Variants in ATXN7L1 observed in about 807,000 individuals in gnomAD.
The protein encoded by ATXN7L1 is ataxin-7-like protein 1.
Under a neutral mutation model 70.8 loss-of-function variants are expected in ATXN7L1, and 15 were observed. That is an observed-to-expected ratio of 0.21 (90% confidence interval 0.14 to 0.33). The LOEUF is 0.33. Ranked by LOEUF, ATXN7L1 falls within the 10% of genes least tolerant of loss-of-function variation. The pLI, the probability that ATXN7L1 is intolerant of heterozygous loss-of-function variation, is 1.00. For missense variants in ATXN7L1, 975 were observed against 1,097.1 expected (o/e 0.89, Z 1.57); for synonymous variants, 440 against 445.1 (o/e 0.99, Z 0.14).
intron 3 of ATXN7L1, among the ~76,000 whole-genome samples, chr7:105,697,061 T>C (rs898571889): frequency 1.3e-5 from 2 of 152,102 alleles, no homozygotes; most frequent in Admixed American, 6.5e-5. Context: ...GGTAATAGAA[T>C]ATCACAAGAC....
At chr7:105,756,422 C>T (rs1253132462) in intron 3 of ATXN7L1, among the ~76,000 whole-genome samples, 7 of 152,220 alleles carry the variant, frequency 4.6e-5, no homozygotes, top group South Asian at 2.1e-4. Context: ...CAATTGGAAG[C>T]GACCAGGGAA....
rs539313562 is a variant in ATXN7L1, at chr7:105,850,652, T to C, written c.250+25160A>G. Among the ~76,000 whole-genome samples, 5 of 152,308 alleles carry C rather than the reference T, an allele frequency of 3.3e-5. No individual in the cohort carries two copies. In the East Asian group the frequency reaches 7.7e-4, roughly 24 times the overall value. ...CTGAAGAACGAGCACAGAGCGAGCA[T>C]GGGCTTCTGCTGCAAGACACTGTGG... On this transcript the variant is annotated intron_variant, in intron 2 of 11. Coordinates refer to ENST00000419735, the MANE Select transcript of ATXN7L1 (RefSeq NM_020725.2).
chr7:105,658,523 C>CT (rs36163594), intron 4 of ATXN7L1, among the ~76,000 whole-genome samples: 45,314 of 107,432 alleles, frequency 0.42, 9,776 homozygotes, highest in Non-Finnish European at 0.48. Flanking sequence ...TGGCACATAA[C>CT]TTTTTTTTTT....
intron 3 of ATXN7L1, among the ~76,000 whole-genome samples, chr7:105,739,957 A>G (rs995845319): frequency 2.0e-5 from 3 of 152,224 alleles, no homozygotes; most frequent in African/African-American, 7.2e-5. Context: ...CAGTTCAAAC[A>G]TTTTTGACTG....
At chr7:105,790,674 ACTATCTATCTATCTAT>A (rs3036755) in intron 2 of ATXN7L1, among the ~76,000 whole-genome samples, 7 of 113,234 alleles carry the variant, frequency 6.2e-5, no homozygotes, top group Admixed American at 1.8e-4. Flanking sequence ...CTATCTATCT[ACTATCTATCTATCTAT>A]CTATCTATCT....
intron 2 of ATXN7L1, among the ~76,000 whole-genome samples, chr7:105,814,595 T>C (rs1416863978): frequency 1.3e-5 from 2 of 152,202 alleles, no homozygotes; most frequent in Non-Finnish European, 2.9e-5. Context: ...TTAGTTTTTT[T>C]CTTCTACTTC....
Position 105,862,324 on chromosome 7 carries a change from A to G in ATXN7L1, c.250+13488T>C, listed in dbSNP as rs189995278. Among the ~76,000 whole-genome samples, 19 of 152,226 alleles carry G rather than the reference A, an allele frequency of 1.2e-4. No individual in the cohort carries two copies. The East Asian group carries it at 3.3e-3, about 26-fold the overall frequency. Reference sequence around the variant, plus strand: ...GGGGGCGTGCACCTGTGGCCCAGCTACTTGGGAGGGAGGCTGAGGTGGGAG... The same window carrying G: ...GGGGGCGTGCACCTGTGGCCCAGCTGCTTGGGAGGGAGGCTGAGGTGGGAG... On this transcript the variant is annotated intron_variant, in intron 2 of 11. Transcript: ENST00000419735.
intron 3 of ATXN7L1, among the ~76,000 whole-genome samples, chr7:105,771,080 A>G (rs1180042947): frequency 6.6e-6 from 1 of 151,942 alleles, no homozygotes; most frequent in Non-Finnish European, 1.5e-5. Context: ...GGCACCTGTA[A>G]TCCTAGCTAT....
rs1013581166 is a variant in ATXN7L1 at position 105,716,692 on chromosome 7, C to T, written c.356-51404G>A. Among the ~76,000 whole-genome samples the T allele has an allele frequency of 1.2e-4, 10 of 83,382 alleles. No individual in the cohort carries two copies. In the South Asian group the frequency reaches 1.3e-3, roughly 11 times the overall value. The allele number at this position is 83,382 out of a possible 152,430, so 54.7% of individuals were successfully genotyped here. On this transcript the variant is annotated intron_variant, in intron 3 of 11. Transcript: ENST00000419735. The stretch of plus-strand genomic sequence containing the variant: ...ACACACACACACACACACACACACA[C>T]ACACACACACACACACACACACACA...
rs774061050 is a variant in ATXN7L1 at position 105,638,570 on chromosome 7, T to G, written c.985A>C (p.Lys329Gln). ...GCCAGGAGGAGGTCAAATTGCTTTT[T>G]CCGGCCTGGGACTGCCCTCCGATGG... ...LSHRRAVPGR[K>Q]KQFDLLLAEH... is the part of the protein sequence containing the mutation. The change falls in exon 7 of 12, where the codon AAA (lysine) becomes CAA (glutamine). Residue 329 changes from lysine to glutamine, a missense_variant. Physicochemically the swap from Lys to Gln is moderately conservative, Grantham distance 53 (BLOSUM62 1). Around this residue, in one of 5 missense-constraint regions of ATXN7L1, gnomAD observed 635 missense variants for 699.4 expected, o/e 0.91. Transcript: ENST00000419735. 2.6e-6 allele frequency: 4 copies of G among 1,551,868 alleles called. No individual in the cohort carries two copies. In the African/African-American group the frequency reaches 5.5e-5, roughly 21 times the overall value.
intron 2 of ATXN7L1, among the ~76,000 whole-genome samples, chr7:105,796,531 G>C (rs998893113): frequency 6.6e-6 from 1 of 152,128 alleles, no homozygotes; most frequent in Non-Finnish European, 1.5e-5. Context: ...GTGGCTGACA[G>C]TGGTTTTGAT....
intron 6 of ATXN7L1, among the ~76,000 whole-genome samples, chr7:105,639,141 G>GCGCTGC (rs766269641): frequency 0.023 from 3,433 of 152,266 alleles, 55 homozygotes; most frequent in Non-Finnish European, 0.033. Context: ...GCCTTTCAGG[G>GCGCTGC]CGCTGCCGCC....
chr7:105,653,039 G>C (rs1050158367), intron 4 of ATXN7L1, among the ~76,000 whole-genome samples: 1 of 151,898 alleles, frequency 6.6e-6, no homozygotes, highest in African/African-American at 2.4e-5. Context: ...AACCCTCAAG[G>C]GTTTATTCTG....
At chr7:105,857,728 T>C (rs1163784960) in intron 2 of ATXN7L1, among the ~76,000 whole-genome samples, 1 of 152,250 alleles carries the variant, frequency 6.6e-6, no homozygotes, top group Non-Finnish European at 1.5e-5. Flanking sequence ...TTTAAACTCA[T>C]GCTCTACCAA....
At chr7:105,845,039 T>C (rs1361564817) in intron 2 of ATXN7L1, among the ~76,000 whole-genome samples, 1 of 151,776 alleles carries the variant, frequency 6.6e-6, no homozygotes, top group African/African-American at 2.4e-5. Context: ...ACCCTGTCTC[T>C]ACCAAAAATA....
intron 3 of ATXN7L1, among the ~76,000 whole-genome samples, chr7:105,759,469 TGTGTGTGTGTGTGTG>T (rs1563070742): frequency 0.059 from 7,227 of 121,974 alleles, 615 homozygotes; most frequent in African/African-American, 0.2. Flanking sequence ...TGTGTGTGTG[TGTGTGTGTGTGTGTG>T]TGTGTGTATG....
chr7:105,770,501 A>C (rs1417235317), intron 3 of ATXN7L1, among the ~76,000 whole-genome samples: 1 of 152,210 alleles, frequency 6.6e-6, no homozygotes, highest in Non-Finnish European at 1.5e-5. Context: ...ACTTTTCCTC[A>C]GGGCATTGAC....
chr7:105,727,854 CAT>C (rs762469110), intron 3 of ATXN7L1, among the ~76,000 whole-genome samples: 9 of 130,550 alleles, frequency 6.9e-5, no homozygotes, highest in Non-Finnish European at 9.8e-5. Flanking sequence ...AAATGTTTTC[CAT>C]ATATATATAT....
At chr7:105,790,674 A>ATCTATCTATCTAT (rs1554464837) in intron 2 of ATXN7L1, among the ~76,000 whole-genome samples, 48 of 113,298 alleles carry the variant, frequency 4.2e-4, no homozygotes, top group African/African-American at 7.5e-4. Context: ...CTATCTATCT[A>ATCTATCTATCTAT]CTATCTATCT....
Sources: gnomAD v4.1 joint callset for allele counts (sites outside exome capture counted in the v4.1 genomes callset) on GRCh38, gnomAD v4.1.1 for gene constraint, gnomAD v4.1.1 regional missense constraint, MANE v1.5 for transcripts, NCBI Gene and HGNC (gene_info 2026-07-23, HGNC 2026-07-21) for gene names.